Variants in CCDC60 observed in about 807,000 individuals in gnomAD.
CCDC60 encodes the protein coiled-coil domain-containing protein 60.
CCDC60 carries 54 observed loss-of-function variants against 63.5 expected under a neutral mutation model. The observed-to-expected ratio is 0.85, with a 90% CI of 0.68 to 1.07. The LOEUF (loss-of-function observed/expected upper bound fraction) is 1.07, where lower values mean the gene tolerates loss of function less well. Among genes scored for constraint, CCDC60 ranks in the 50% least tolerant of loss-of-function variants. The pLI is 0.00. For synonymous variants in CCDC60, 206 were observed against 238.8 expected, an observed-to-expected ratio of 0.86 and a Z score of 1.27; for missense variants, 651 against 684.3, an observed-to-expected ratio of 0.95 and a Z score of 0.54.
At chr12:119,452,370 T>C (rs1476603398) in intron 2 of CCDC60, among the ~76,000 whole-genome samples, 3 of 152,248 alleles carry the variant, frequency 2.0e-5, no homozygotes, top group African/African-American at 4.8e-5. Context: ...TATTTTCTGA[T>C]TTTTTGTCTT....
intron 1 of CCDC60, among the ~76,000 whole-genome samples, chr12:119,336,241 T>C (rs1847892764): frequency 6.7e-6 from 1 of 148,636 alleles, no homozygotes; most frequent in Non-Finnish European, 1.5e-5. Flanking sequence ...ACTTAAAGTA[T>C]AATAATACAA....
intron 1 of CCDC60, among the ~76,000 whole-genome samples, chr12:119,349,569 C>T (rs558928563): frequency 1.6e-4 from 25 of 151,864 alleles, no homozygotes; most frequent in African/African-American, 6.0e-4. Flanking sequence ...AAACTCCTGA[C>T]CTCAGATGAT....
chr12:119,387,091 T>G (rs1303590680), intron 1 of CCDC60, among the ~76,000 whole-genome samples: 1 of 145,692 alleles, frequency 6.9e-6, no homozygotes, highest in Non-Finnish European at 1.5e-5. Flanking sequence ...AATTAAAATG[T>G]TTCAGCTCTT....
At chr12:119,398,518 C>T (rs1956327554) in intron 1 of CCDC60, among the ~76,000 whole-genome samples, 1 of 152,208 alleles carries the variant, frequency 6.6e-6, no homozygotes, top group African/African-American at 2.4e-5. Flanking sequence ...GCTCCTCAAG[C>T]GCGGCCAGAG....
intron 1 of CCDC60, among the ~76,000 whole-genome samples, chr12:119,376,152 C>T (rs544309222): frequency 4.6e-5 from 7 of 152,298 alleles, no homozygotes; most frequent in East Asian, 1.9e-4. Flanking sequence ...TTCAGAAAAA[C>T]GCACTTGCTA....
At position 119,540,724 on chromosome 12, in the gene CCDC60, TG is replaced by T; in HGVS notation, c.*12del. ...ACAGCGCCCTGAGGTAGGCTGGGCCTGGGTTGACCAGCTGTCTCAGTGGAGG... is the reference window on the plus strand; with the variant it reads ...ACAGCGCCCTGAGGTAGGCTGGGCCTGGTTGACCAGCTGTCTCAGTGGAGG... On this transcript the variant is annotated 3_prime_UTR_variant, in exon 14 of 14. Transcript: ENST00000327554. 2 of 1,591,112 alleles carry T rather than the reference TG, an allele frequency of 1.3e-6. No homozygotes were observed.
At chr12:119,379,360 T>G (rs990112216) in intron 1 of CCDC60, among the ~76,000 whole-genome samples, 1 of 152,224 alleles carries the variant, frequency 6.6e-6, no homozygotes, top group African/African-American at 2.4e-5. Context: ...AGGGCTAGAC[T>G]GGACTGAAGC....
At chr12:119,419,273 A>T (rs1300325036) in intron 1 of CCDC60, among the ~76,000 whole-genome samples, 3 of 152,144 alleles carry the variant, frequency 2.0e-5, no homozygotes, top group Non-Finnish European at 4.4e-5. Context: ...ACAGACATTG[A>T]CATCTTTTAA....
intron 2 of CCDC60, among the ~76,000 whole-genome samples, chr12:119,458,721 G>C (rs1281079591): frequency 6.8e-6 from 1 of 147,022 alleles, no homozygotes; most frequent in African/African-American, 2.7e-5. Flanking sequence ...ATGTCCAATA[G>C]AGAGATTTGT....
At chr12:119,478,450 A>C (rs1421435817) in intron 3 of CCDC60, among the ~76,000 whole-genome samples, 1 of 152,128 alleles carries the variant, frequency 6.6e-6, no homozygotes, top group Non-Finnish European at 1.5e-5. Context: ...TATGGTATTA[A>C]ATTGCTGTTT....
chr12:119,468,193 G>T (rs1370310630), intron 2 of CCDC60, among the ~76,000 whole-genome samples: 3 of 152,198 alleles, frequency 2.0e-5, no homozygotes, highest in Non-Finnish European at 4.4e-5. Flanking sequence ...GCAGGAGGCT[G>T]AGGCAGGAGA....
chr12:119,442,546 C>CTCA (rs1387296597), intron 2 of CCDC60, among the ~76,000 whole-genome samples: 1 of 152,196 alleles, frequency 6.6e-6, no homozygotes, highest in Admixed American at 6.5e-5. Context: ...TATCCTCTCT[C>CTCA]TCATTATTTT....
At chr12:119,408,528 A>G (rs1436965331) in intron 1 of CCDC60, among the ~76,000 whole-genome samples, 2 of 152,186 alleles carry the variant, frequency 1.3e-5, no homozygotes, top group Admixed American at 6.5e-5. Context: ...CTGCCATTTA[A>G]AAGTAATAGC....
chr12:119,474,195 G>C (rs1244158596), intron 3 of CCDC60, among the ~76,000 whole-genome samples: 1 of 152,224 alleles, frequency 6.6e-6, no homozygotes, highest in Non-Finnish European at 1.5e-5. Flanking sequence ...ATAGGTGTTG[G>C]CTTGGATATT....
At chr12:119,453,728 T>C (rs1328353547) in intron 2 of CCDC60, among the ~76,000 whole-genome samples, 1 of 151,904 alleles carries the variant, frequency 6.6e-6, no homozygotes, top group Non-Finnish European at 1.5e-5. Context: ...AAGAAAGTTG[T>C]ACCAGAAGGC....
chr12:119,387,660 G>T (rs1956084136), intron 1 of CCDC60, among the ~76,000 whole-genome samples: 1 of 151,852 alleles, frequency 6.6e-6, no homozygotes. Context: ...TTCATAAATG[G>T]GATTATACCA....
intron 1 of CCDC60, among the ~76,000 whole-genome samples, chr12:119,397,256 C>T (rs1423520093): frequency 1.3e-5 from 2 of 152,174 alleles, no homozygotes; most frequent in Non-Finnish European, 2.9e-5. Flanking sequence ...CTTCCATGAT[C>T]TGAAAAGGGA....
At chr12:119,355,524 G>A (rs1328871087) in intron 1 of CCDC60, among the ~76,000 whole-genome samples, 1 of 152,226 alleles carries the variant, frequency 6.6e-6, no homozygotes, top group Non-Finnish European at 1.5e-5. Flanking sequence ...CACCTACTAT[G>A]TACTGACGCA....
chr12:119,526,836 T>C (rs1041494288), intron 11 of CCDC60, among the ~76,000 whole-genome samples: 1 of 152,166 alleles, frequency 6.6e-6, no homozygotes, highest in Non-Finnish European at 1.5e-5. Flanking sequence ...GTTCAACCAT[T>C]GTGGAAAGCA....
Sources: gnomAD v4.1 joint callset for allele counts (sites outside exome capture counted in the v4.1 genomes callset) on GRCh38, gnomAD v4.1.1 for gene constraint, MANE v1.5 for transcripts, NCBI Gene and HGNC (gene_info 2026-07-23, HGNC 2026-07-21) for gene names.